Variants in ATRNL1 observed in about 807,000 individuals in gnomAD.
ATRNL1 encodes the protein attractin-like protein 1.
A neutral mutation model predicts 182.7 loss-of-function variants in ATRNL1; 95 were observed. That is an observed-to-expected ratio of 0.52 (90% CI 0.44 to 0.62). The LOEUF is 0.62. ATRNL1 is among the 20% of genes least tolerant of loss of function. ATRNL1 has a pLI of 0.00. For missense variants in ATRNL1, 1,471 were observed against 1,679.5 expected (o/e 0.88, Z 2.17); for synonymous variants, 576 against 568.3 (o/e 1.01, Z -0.19).
intron 5 of ATRNL1, among the ~76,000 whole-genome samples, chr10:115,159,631 C>G (rs1373398313): frequency 6.6e-6 from 1 of 151,210 alleles, no homozygotes; most frequent in African/African-American, 2.4e-5. Flanking sequence ...TTTATTATAA[C>G]CCTTGGTGGT....
chr10:115,882,226 G>A (rs1555108727), intron 28 of ATRNL1, among the ~76,000 whole-genome samples: 1 of 152,202 alleles, frequency 6.6e-6, no homozygotes, highest in African/African-American at 2.4e-5. Flanking sequence ...AACACTGAGA[G>A]CTGAGCAAAT....
intron 26 of ATRNL1, among the ~76,000 whole-genome samples, chr10:115,691,405 C>A (rs1378511280): frequency 1.3e-5 from 2 of 152,088 alleles, no homozygotes; most frequent in Non-Finnish European, 2.9e-5. Flanking sequence ...ACATTTTGGC[C>A]ATTTGTATAC....
At chr10:115,233,681 G>T (rs1554900612) in intron 9 of ATRNL1, among the ~76,000 whole-genome samples, 1 of 151,996 alleles carries the variant, frequency 6.6e-6, no homozygotes, top group Non-Finnish European at 1.5e-5. Flanking sequence ...ATAAAGAAAG[G>T]TCTCTTTTTT....
At chr10:115,558,168 G>C (rs766002473) in intron 26 of ATRNL1, among the ~76,000 whole-genome samples, 2 of 151,988 alleles carry the variant, frequency 1.3e-5, no homozygotes, top group African/African-American at 4.8e-5. Context: ...TGAGTTGCCC[G>C]GGTCCTTGGA....
intron 1 of ATRNL1, among the ~76,000 whole-genome samples, chr10:115,104,336 T>G (rs1054713237): frequency 3.0e-4 from 46 of 152,328 alleles, no homozygotes; most frequent in African/African-American, 1.1e-3. Context: ...CATTGGTATG[T>G]CTTCTTTTGA....
At chr10:115,439,462 T>TAAATAA (rs1208947895) in intron 21 of ATRNL1, among the ~76,000 whole-genome samples, 4 of 151,830 alleles carry the variant, frequency 2.6e-5, no homozygotes, top group Non-Finnish European at 5.9e-5. Flanking sequence ...AGAAAAGAGA[T>TAAATAA]AAATAAAAAT....
intron 28 of ATRNL1, chr10:115,909,621 TAAAAAAAAAAAAA>T (rs3031110): frequency 1.8e-4 from 23 of 125,244 alleles, no homozygotes; most frequent in African/African-American, 7.4e-4. Context: ...TTGATAATGT[TAAAAAAAAAAAAA>T]AAAAAAAAAA....
At chr10:115,430,078 A>T (rs557858601) in intron 21 of ATRNL1, among the ~76,000 whole-genome samples, 2 of 152,284 alleles carry the variant, frequency 1.3e-5, no homozygotes, top group East Asian at 3.9e-4. Flanking sequence ...CTCAAAAAAC[A>T]ACAACAAAAA....
chr10:115,836,569 G>T (rs191602043), intron 27 of ATRNL1, among the ~76,000 whole-genome samples: 198 of 152,248 alleles, frequency 1.3e-3, no homozygotes, highest in South Asian at 4.4e-3. Flanking sequence ...GTGCTCCTTG[G>T]CTTGTAGATG....
At chr10:115,554,932 A>G (rs548639748) in intron 26 of ATRNL1, among the ~76,000 whole-genome samples, 1 of 151,930 alleles carries the variant, frequency 6.6e-6, no homozygotes, top group East Asian at 1.9e-4. Flanking sequence ...ATATTGATTT[A>G]TTCTAAAAAA....
intron 18 of ATRNL1, among the ~76,000 whole-genome samples, chr10:115,329,776 A>G (rs1424217937): frequency 2.0e-5 from 3 of 152,100 alleles, no homozygotes; most frequent in Non-Finnish European, 4.4e-5. Flanking sequence ...CTTAAAGGTG[A>G]ATTGAATCTT....
At chr10:115,658,447 A>G (rs1445371939) in intron 26 of ATRNL1, among the ~76,000 whole-genome samples, 2 of 152,146 alleles carry the variant, frequency 1.3e-5, no homozygotes, top group Non-Finnish European at 2.9e-5. Flanking sequence ...TGAATGAAAA[A>G]TAGACTATTC....
At chr10:115,662,831 T>C (rs1372586012) in intron 26 of ATRNL1, among the ~76,000 whole-genome samples, 2 of 152,104 alleles carry the variant, frequency 1.3e-5, no homozygotes, top group African/African-American at 4.8e-5. Context: ...CTTAAAATCA[T>C]AATAATTTTG....
At chr10:115,260,262 T>G (rs1262493427) in intron 10 of ATRNL1, among the ~76,000 whole-genome samples, 2 of 152,200 alleles carry the variant, frequency 1.3e-5, no homozygotes, top group African/African-American at 4.8e-5. Context: ...ACAGTGGGAT[T>G]AAATGAAAGT....
intron 8 of ATRNL1, among the ~76,000 whole-genome samples, chr10:115,211,558 C>G (rs1055097859): frequency 7.9e-5 from 12 of 151,002 alleles, no homozygotes; most frequent in African/African-American, 2.9e-4. Context: ...TACTTAGTTT[C>G]TTGAATCTGT....
intron 25 of ATRNL1, among the ~76,000 whole-genome samples, chr10:115,533,726 C>G (rs1554989224): frequency 6.7e-6 from 1 of 149,116 alleles, no homozygotes; most frequent in Non-Finnish European, 1.5e-5. Context: ...TTCCTGCTTT[C>G]TCTTGTGGGC....
intron 9 of ATRNL1, among the ~76,000 whole-genome samples, chr10:115,234,496 G>A (rs1247285334): frequency 6.6e-6 from 1 of 151,430 alleles, no homozygotes; most frequent in Non-Finnish European, 1.5e-5. Flanking sequence ...AACATGGATA[G>A]AATATTATAA....
At chr10:115,582,742 G>T (rs1240528696) in intron 26 of ATRNL1, among the ~76,000 whole-genome samples, 52 of 148,974 alleles carry the variant, frequency 3.5e-4, no homozygotes, top group African/African-American at 1.0e-3. Context: ...AGAAGCTCTT[G>T]AGTTTAATTA....
At chr10:115,621,253 G>T (rs1183609727) in intron 26 of ATRNL1, among the ~76,000 whole-genome samples, 1 of 49,292 alleles carries the variant, frequency 2.0e-5, no homozygotes, top group Non-Finnish European at 3.6e-5. Context: ...ATTGAGCTCT[G>T]AATATATATA....
Sources: gnomAD v4.1 joint callset for allele counts (sites outside exome capture counted in the v4.1 genomes callset) on GRCh38, gnomAD v4.1.1 for gene constraint, MANE v1.5 for transcripts, NCBI Gene and HGNC (gene_info 2026-07-23, HGNC 2026-07-21) for gene names.